The following KCNQ1 variants were observed in gnomAD, a reference collection of about 807,000 sequenced individuals.
The protein encoded by KCNQ1 is potassium voltage-gated channel subfamily KQT member 1.
In KCNQ1, 49 loss-of-function variants were observed where a neutral mutation model predicts 72.4. The observed-to-expected ratio is 0.68, with a 90% CI of 0.54 to 0.86. The LOEUF (loss-of-function observed/expected upper bound fraction) is 0.86, where lower values mean the gene tolerates loss of function less well. KCNQ1 is among the 40% of genes least tolerant of loss of function. The pLI is 0.00. For synonymous variants in KCNQ1, 450 were observed against 412.6 expected (o/e 1.09, Z -1.10); for missense variants, 790 against 945.1 (o/e 0.84, Z 2.15).
At position 2,662,169 on chromosome 11, in the gene KCNQ1, T is replaced by C; in HGVS notation, c.1514+88T>C. 1.3e-5 allele frequency: 20 copies of C among 1,571,170 alleles called. No individual in the cohort carries two copies. In the South Asian group the frequency reaches 2.2e-4, roughly 17 times the overall value. On this transcript the variant is annotated intron_variant, in intron 11 of 15. Transcript: ENST00000155840. ...TTGGTGCTGGGGAAGCCTTGCTCTC[T>C]GGCCAGAGTGCTATCTACTCGCCTA...
At position 2,562,139 on chromosome 11, in the gene KCNQ1, C is replaced by G. The variant is rs1848178163; in HGVS notation, c.478-8489C>G. On this transcript the variant is annotated intron_variant, in intron 2 of 15. Transcript: ENST00000155840. The surrounding 1 kb of genome is among the most constrained non-coding windows in gnomAD (Gnocchi z 7.5). ...AGTGGATGGTGCATCTCACCTGGGC[C>G]TGGCCGGCTGCACTGTGGCGCCTGC... 6.8e-6 allele frequency among the ~76,000 whole-genome samples: 1 copy of G among 147,220 alleles called. No homozygotes were observed.
At chr11:2,452,035 A>G (rs920332456) in intron 1 of KCNQ1, among the ~76,000 whole-genome samples, 2 of 152,192 alleles carry the variant, frequency 1.3e-5, no homozygotes, top group Non-Finnish European at 2.9e-5. Context: ...GTTGGCTCTC[A>G]AAGCCTTGGT....
At chr11:2,822,926 TA>T (rs200997512) in intron 15 of KCNQ1, among the ~76,000 whole-genome samples, 3,244 of 144,824 alleles carry the variant, frequency 0.022, 86 homozygotes, top group African/African-American at 0.066. Context: ...GCTGCTGAAT[TA>T]AAAAAAAAAA....
intron 11 of KCNQ1, chr11:2,697,926 C>T (rs776496805): frequency 2.3e-5 from 9 of 398,546 alleles, no homozygotes; most frequent in Admixed American, 4.4e-5. Context: ...CTTTTCTCCT[C>T]AGCATGTTAG....
rs1845751117 is a variant in KCNQ1 at position 2,725,837 on chromosome 11, G to C, written c.1515-43007G>C. 6.7e-6 allele frequency among the ~76,000 whole-genome samples: 1 copy of C among 148,406 alleles called. No homozygotes were observed. The highest frequency in any genetic ancestry group is 7.0e-5 in the Admixed American group (1 of 14,262). ...TGCCTGGTTAATCATCCTGGGCTCT[G>C]AGAGCTCCCTGGGGCCCCACAGGCC... is the stretch of plus-strand genomic sequence containing the variant. On this transcript the variant is annotated intron_variant, in intron 11 of 15. Transcript: ENST00000155840. This position sits in a 1 kb window ranked among gnomAD's most constrained non-coding sequence, Gnocchi z 7.2.
At chr11:2,839,193 A>C (rs1207963073) in intron 15 of KCNQ1, among the ~76,000 whole-genome samples, 1 of 151,882 alleles carries the variant, frequency 6.6e-6, no homozygotes, top group Admixed American at 6.5e-5. Context: ...CCTGCCTGGC[A>C]GTGAGGCAGC....
Position 2,621,811 on chromosome 11 carries a change from G to A in KCNQ1, c.1393+32957G>A. ...TTTATTTTTCAAAAATCAATTCTTT[G>A]TTTCAAAAATTGAAGTCTTAGTTTT... On this transcript the variant is annotated intron_variant, in intron 10 of 15. Transcript: ENST00000155840. This position sits in a 1 kb window ranked among gnomAD's most constrained non-coding sequence, Gnocchi z 5.7. 2.5e-6 allele frequency: 1 copy of A among 398,034 alleles called. No individual in the cohort carries two copies. The highest frequency in any genetic ancestry group is 1.3e-4 in the South Asian group (1 of 7,846). The allele number at this position is 398,034 out of a possible 1,614,324, so 24.7% of individuals were successfully genotyped here. A position where few individuals can be genotyped will look rare whatever the true frequency, so the allele number is the denominator to read the frequency against.
Position 2,720,934 on chromosome 11 carries a change from G to T in KCNQ1, c.1515-47910G>T, listed in dbSNP as rs900908194. On this transcript the variant is annotated intron_variant, in intron 11 of 15. Transcript: ENST00000155840. This position sits in a 1 kb window ranked among gnomAD's most constrained non-coding sequence, Gnocchi z 5.1. ...TGAGGGAGATGAGGTTGTTCCCAGG[G>T]TTTCCTCATCCCAGGGGCTCTCAGA... 1.3e-5 allele frequency among the ~76,000 whole-genome samples: 2 copies of T among 152,116 alleles called. No individual in the cohort carries two copies. The highest frequency in any genetic ancestry group is 6.5e-5 in the Admixed American group (1 of 15,282).
In KCNQ1 at chr11:2,720,959, A is replaced by G. The variant is rs1226217679; in HGVS notation, c.1515-47885A>G. On this transcript the variant is annotated intron_variant, in intron 11 of 15. Transcript: ENST00000155840. This position sits in a 1 kb window ranked among gnomAD's most constrained non-coding sequence, Gnocchi z 5.1. ...GTTTCCTCATCCCAGGGGCTCTCAG[A>G]TTTCCAGGGACTCGGGCAGGCACAG... 6.6e-6 allele frequency among the ~76,000 whole-genome samples: 1 copy of G among 152,068 alleles called. No individual in the cohort carries two copies. The highest frequency in any genetic ancestry group is 1.9e-4 in the East Asian group (1 of 5,172).
chr11:2,542,763 T>G lies in KCNQ1; in HGVS notation c.477+14745T>G, dbSNP rs114736912. The stretch of plus-strand genomic sequence containing the variant: ...TTTGAGAGTCATCCAGGCTGTGGCA[T>G]GTAATAATTCATTCCTTTTTCATTG... On this transcript the variant is annotated intron_variant, in intron 2 of 15. Transcript: ENST00000155840. 4.8e-3 allele frequency among the ~76,000 whole-genome samples: 737 copies of G among 152,378 alleles called. 6 individuals carry two copies. Among genetic ancestry groups the G allele is most frequent in the African/African-American group, 0.017 (706 of 41,588 alleles).
chr11:2,806,603 G>A (rs539418291), intron 15 of KCNQ1, among the ~76,000 whole-genome samples: 1 of 152,326 alleles, frequency 6.6e-6, no homozygotes, highest in Non-Finnish European at 1.5e-5. Context: ...TGCTTTCCGA[G>A]GAGGCTGCAG....
rs117906180 is a variant in KCNQ1, at chr11:2,562,826, C to G, written c.478-7802C>G. ...CTTGACCCTGGCCCCTTCCACAAAG[C>G]TCAGCTCTGATCCTTCGTATTTAAT... On this transcript the variant is annotated intron_variant, in intron 2 of 15. Coordinates refer to ENST00000155840, the MANE Select transcript of KCNQ1 (RefSeq NM_000218.3). This position sits in a 1 kb window ranked among gnomAD's most constrained non-coding sequence, Gnocchi z 7.5. Among the ~76,000 whole-genome samples, 1,116 of 152,328 alleles carry G rather than the reference C, an allele frequency of 7.3e-3. 2 individuals carry two copies. The highest frequency in any genetic ancestry group is 0.012 in the Non-Finnish European group (830 of 68,022).
At chr11:2,542,623 T>C (rs1461922397) in intron 2 of KCNQ1, among the ~76,000 whole-genome samples, 1 of 152,228 alleles carries the variant, frequency 6.6e-6, no homozygotes, top group African/African-American at 2.4e-5. Context: ...CCTCCGCTGC[T>C]CCTGGCTCCG....
At chr11:2,656,030 C>T (rs1315760999) in intron 10 of KCNQ1, 4 of 398,572 alleles carry the variant, frequency 1.0e-5, no homozygotes, top group African/African-American at 8.2e-5. Context: ...GAACCTTCCT[C>T]AGGGGTCAGG....
At position 2,563,436 on chromosome 11, in the gene KCNQ1, C is replaced by T. The variant is rs1045368735; in HGVS notation, c.478-7192C>T. Reference sequence around the variant, plus strand: ...GGTCTCCTCTTTATGCCACTGTAACCCCACAACACCGGATACCAGCATGGG... The same window carrying T: ...GGTCTCCTCTTTATGCCACTGTAACTCCACAACACCGGATACCAGCATGGG... On this transcript the variant is annotated intron_variant, in intron 2 of 15. Coordinates refer to ENST00000155840, the MANE Select transcript of KCNQ1 (RefSeq NM_000218.3). The surrounding 1 kb of genome is among the most constrained non-coding windows in gnomAD (Gnocchi z 7.4). Among the ~76,000 whole-genome samples, 2 of 152,210 alleles carry T rather than the reference C, an allele frequency of 1.3e-5. No homozygotes were observed. Among genetic ancestry groups the T allele is most frequent in the African/African-American group, 2.4e-5 (1 of 41,446 alleles).
Position 2,828,723 on chromosome 11 carries a change from C to T in KCNQ1, c.1795-19044C>T, listed in dbSNP as rs370824. On this transcript the variant is annotated intron_variant, in intron 15 of 15. Transcript: ENST00000155840. This position sits in a 1 kb window ranked among gnomAD's most constrained non-coding sequence, Gnocchi z 5.3. ...CAGTTGTGGGTGGGGCAGGAGCTCT[C>T]GTGATGAAAACAACAGGGATTCAGT... Among the ~76,000 whole-genome samples the T allele has an allele frequency of 2.0e-5, 3 of 152,260 alleles. No individual in the cohort carries two copies. Among genetic ancestry groups the T allele is most frequent in the Non-Finnish European group, 2.9e-5 (2 of 68,024 alleles).
In KCNQ1 at chr11:2,451,976, A is replaced by C. The variant is rs1846124634; in HGVS notation, c.386+6492A>C. Among the ~76,000 whole-genome samples the C allele has an allele frequency of 6.6e-6, 1 of 151,962 alleles. No homozygotes were observed. Among genetic ancestry groups the C allele is most frequent in the Non-Finnish European group, 1.5e-5 (1 of 67,970 alleles). Reference sequence around the variant, plus strand: ...TGTATCCATGGGCACCCCCACTCCCACCTAGCACTTGCCACCAGGAAGCAC... The same window carrying C: ...TGTATCCATGGGCACCCCCACTCCCCCCTAGCACTTGCCACCAGGAAGCAC... On this transcript the variant is annotated intron_variant, in intron 1 of 15. Transcript: ENST00000155840. This position sits in a 1 kb window ranked among gnomAD's most constrained non-coding sequence, Gnocchi z 6.4.
In KCNQ1 at chr11:2,645,971, C is replaced by G; in HGVS notation, c.1394-15990C>G. The G allele has an allele frequency of 5.0e-6, 2 of 398,624 alleles. No individual in the cohort carries two copies. Among genetic ancestry groups the G allele is most frequent in the Non-Finnish European group, 8.8e-6 (2 of 226,094 alleles). 24.7% of individuals were successfully genotyped at this position (398,624 alleles called of 1,614,324 possible). ...ATCTATGGGTCAGGGGGTTCTCTGA[C>G]TAGGATTTCAGGAGTCTGCTGTGGG... On this transcript the variant is annotated intron_variant, in intron 10 of 15. Coordinates refer to ENST00000155840, the MANE Select transcript of KCNQ1 (RefSeq NM_000218.3). This position sits in a 1 kb window ranked among gnomAD's most constrained non-coding sequence, Gnocchi z 5.8.
At chr11:2,615,054 T>C (rs879198364) in intron 10 of KCNQ1, 3 of 398,318 alleles carry the variant, frequency 7.5e-6, no homozygotes, top group Admixed American at 8.8e-5. Context: ...TTTATTTAAG[T>C]CTTCTTTAAT....
Sources: allele counts gnomAD v4.1 joint callset (sites outside exome capture counted in the v4.1 genomes callset), GRCh38; gene constraint gnomAD v4.1.1; non-coding constraint Gnocchi (gnomAD v3.1); transcripts MANE v1.5; gene names NCBI Gene and HGNC (gene_info 2026-07-23, HGNC 2026-07-21).